MAGI2: variants seen among roughly 807,000 people sequenced by gnomAD.
MAGI2 encodes membrane associated guanylate kinase, WW and PDZ domain containing 2.
A neutral mutation model predicts 133.3 loss-of-function variants in MAGI2; 35 were observed. The observed-to-expected ratio is 0.26, with a 90% CI of 0.20 to 0.35. MAGI2 has a LOEUF of 0.35. Ranked by LOEUF, MAGI2 falls within the 10% of genes least tolerant of loss-of-function variation. MAGI2 has a pLI of 1.00. For missense variants in MAGI2, 1,636 were observed against 1,863.4 expected, an observed-to-expected ratio of 0.88 and a Z score of 2.25; for synonymous variants, 729 against 710.6, an observed-to-expected ratio of 1.03 and a Z score of -0.41.
chr7:78,648,276 G>T (rs971409491), intron 2 of MAGI2, among the ~76,000 whole-genome samples: 3 of 152,126 alleles, frequency 2.0e-5, no homozygotes, highest in Non-Finnish European at 4.4e-5. Flanking sequence ...GATGTTCACT[G>T]GCTCATCCTT....
chr7:78,309,171 G>A (rs566796430), intron 9 of MAGI2, among the ~76,000 whole-genome samples: 87 of 152,246 alleles, frequency 5.7e-4, no homozygotes, highest in South Asian at 8.3e-4. Flanking sequence ...ATTTGACCCC[G>A]CAATCCCATT....
rs555885911 is a variant in MAGI2, at chr7:78,450,640, A to T, written c.1045+39121T>A. Reference sequence around the variant, plus strand: ...CTTGAGGGTGACAAGAACATTTCTCATCTTCTCTGCTTACTTTTTTTTCTT... The same window carrying T: ...CTTGAGGGTGACAAGAACATTTCTCTTCTTCTCTGCTTACTTTTTTTTCTT... On this transcript the variant is annotated intron_variant, in intron 6 of 21. Transcript: ENST00000354212. 8.1e-5 allele frequency among the ~76,000 whole-genome samples: 12 copies of T among 147,524 alleles called. No homozygotes were observed. The South Asian group carries it at 2.2e-3, about 27-fold the overall frequency.
At chr7:79,008,419 G>A (rs1036003078) in intron 1 of MAGI2, among the ~76,000 whole-genome samples, 4 of 152,018 alleles carry the variant, frequency 2.6e-5, no homozygotes, top group African/African-American at 9.7e-5. Flanking sequence ...CATTTCAGTT[G>A]CCTCCTAATC....
At chr7:78,201,140 A>C (rs1829215270) in intron 11 of MAGI2, 22 bp downstream of exon 11, 4 of 1,446,256 alleles carry the variant, frequency 2.8e-6, no homozygotes, top group Non-Finnish European at 3.7e-6. Flanking sequence ...ATAAAGAAAG[A>C]AGCATAATAA....
intron 6 of MAGI2, among the ~76,000 whole-genome samples, chr7:78,470,958 C>A (rs1233732234): frequency 1.3e-5 from 2 of 152,030 alleles, no homozygotes; most frequent in Non-Finnish European, 2.9e-5. Context: ...CCATTAGTGG[C>A]AGGAGTAAAT....
At position 79,171,771 on chromosome 7, in the gene MAGI2, T is replaced by TATATATA. The variant is rs1554394312; in HGVS notation, c.302-164566_302-164565insTATATAT. On this transcript the variant is annotated intron_variant, in intron 1 of 21. Transcript: ENST00000354212. ...ATATATATATATATATATATATATATTTTTTTTTTTTTTTTCTTTTAAAGG... is the reference window on the plus strand; with the variant it reads ...ATATATATATATATATATATATATATATATATATTTTTTTTTTTTTTTCTTTTAAAGG... 2.8e-3 allele frequency among the ~76,000 whole-genome samples: 56 copies of TATATATA among 20,028 alleles called. 1 individual carries two copies. Among genetic ancestry groups the TATATATA allele is most frequent in the Admixed American group, 4.9e-3 (9 of 1,848 alleles). The allele number at this position is 20,028 out of a possible 152,430, so 13.1% of individuals were successfully genotyped here.
At chr7:79,438,283 G>A (rs1848277983) in intron 1 of MAGI2, among the ~76,000 whole-genome samples, 1 of 151,920 alleles carries the variant, frequency 6.6e-6, no homozygotes, top group South Asian at 2.1e-4. Flanking sequence ...AATACCAACT[G>A]GAGCAAAATG....
intron 2 of MAGI2, among the ~76,000 whole-genome samples, chr7:78,675,670 A>T (rs1451802483): frequency 6.6e-6 from 1 of 152,276 alleles, no homozygotes; most frequent in East Asian, 1.9e-4. Flanking sequence ...GCCGCCACAC[A>T]GATGAGGTAA....
intron 6 of MAGI2, among the ~76,000 whole-genome samples, chr7:78,370,538 G>C (rs1321784634): frequency 6.6e-6 from 1 of 151,826 alleles, no homozygotes; most frequent in Non-Finnish European, 1.5e-5. Flanking sequence ...TCCTAGATGT[G>C]AAATTTTGGA....
chr7:78,280,853 CAAAAAAAAAAAA>C (rs36097343), intron 9 of MAGI2, among the ~76,000 whole-genome samples: 6 of 108,070 alleles, frequency 5.6e-5, no homozygotes, highest in African/African-American at 1.5e-4. Flanking sequence ...GATGGGTATA[CAAAAAAAAAAAA>C]AAAAAAAAAA....
At chr7:79,301,972 C>T (rs1052125774) in intron 1 of MAGI2, among the ~76,000 whole-genome samples, 3 of 152,200 alleles carry the variant, frequency 2.0e-5, no homozygotes, top group African/African-American at 7.2e-5. Context: ...GCCTGTTCCT[C>T]TTTTTGCCTT....
chr7:78,180,576 A>G (rs999739594), intron 13 of MAGI2, among the ~76,000 whole-genome samples: 1 of 152,192 alleles, frequency 6.6e-6, no homozygotes, highest in Non-Finnish European at 1.5e-5. Flanking sequence ...AGACACGAAT[A>G]AGGCATTTTT....
chr7:79,390,499 C>T (rs1329135565), intron 1 of MAGI2, among the ~76,000 whole-genome samples: 4 of 152,092 alleles, frequency 2.6e-5, no homozygotes, highest in Non-Finnish European at 5.9e-5. Flanking sequence ...TTATAAATGA[C>T]ATTCACAAAT....
chr7:79,082,532 T>C (rs1022245233), intron 1 of MAGI2, among the ~76,000 whole-genome samples: 3 of 152,088 alleles, frequency 2.0e-5, no homozygotes, highest in Admixed American at 2.0e-4. Flanking sequence ...ATTGACCACA[T>C]GTGTATGCAT....
At chr7:78,534,924 G>C (rs1167041366) in intron 3 of MAGI2, among the ~76,000 whole-genome samples, 2 of 152,238 alleles carry the variant, frequency 1.3e-5, no homozygotes, top group East Asian at 3.9e-4. Flanking sequence ...CATGAGGTCA[G>C]GAGTTCAAGA....
intron 9 of MAGI2, among the ~76,000 whole-genome samples, chr7:78,316,572 C>T (rs1224128844): frequency 6.6e-6 from 1 of 152,168 alleles, no homozygotes; most frequent in African/African-American, 2.4e-5. Flanking sequence ...TGCAGTCTTA[C>T]AGAATCCACC....
At chr7:79,267,613 A>C (rs1287097637) in intron 1 of MAGI2, among the ~76,000 whole-genome samples, 1 of 152,208 alleles carries the variant, frequency 6.6e-6, no homozygotes, top group Non-Finnish European at 1.5e-5. Context: ...TCATCTATAC[A>C]GAAATCAAAA....
intron 1 of MAGI2, among the ~76,000 whole-genome samples, chr7:79,168,125 T>A (rs907664640): frequency 6.6e-6 from 1 of 152,152 alleles, no homozygotes; most frequent in Admixed American, 6.5e-5. Context: ...GGCTTGTTAA[T>A]AAATATGTGG....
intron 1 of MAGI2, among the ~76,000 whole-genome samples, chr7:79,021,355 G>A (rs1416927685): frequency 6.6e-6 from 1 of 152,186 alleles, no homozygotes; most frequent in African/African-American, 2.4e-5. Flanking sequence ...CTATGTGCCT[G>A]TAAAAGCCAC....
Sources: gnomAD v4.1 joint callset for allele counts (sites outside exome capture counted in the v4.1 genomes callset) on GRCh38, gnomAD v4.1.1 for gene constraint, MANE v1.5 for transcripts, NCBI Gene and HGNC (gene_info 2026-07-23, HGNC 2026-07-21) for gene names.